The following BRINP2 variants were observed in gnomAD, a reference collection of about 807,000 sequenced individuals.
BRINP2 encodes BMP/retinoic acid-inducible neural-specific protein 2.
A neutral mutation model predicts 69.2 loss-of-function variants in BRINP2; 21 were observed. That is an observed-to-expected ratio of 0.30 (90% CI 0.22 to 0.44). The LOEUF (loss-of-function observed/expected upper bound fraction) is 0.44, where lower values mean the gene tolerates loss of function less well. BRINP2 is among the 20% of genes least tolerant of loss of function. The probability of loss-of-function intolerance (pLI) is 1.00; values close to 1 mark genes in which losing one functional copy is unlikely to be tolerated. For missense variants in BRINP2, 877 were observed against 986.0 expected, an observed-to-expected ratio of 0.89 and a Z score of 1.48; for synonymous variants, 380 against 394.1, an observed-to-expected ratio of 0.96 and a Z score of 0.42.
chr1:177,214,096 A>G (rs1477636425), intron 1 of BRINP2, among the ~76,000 whole-genome samples: 2 of 152,180 alleles, frequency 1.3e-5, no homozygotes, highest in Non-Finnish European at 2.9e-5. Flanking sequence ...GCTTCAGTCT[A>G]AGTCTACAGT....
chr1:177,222,933 G>A (rs1649582969), intron 1 of BRINP2, among the ~76,000 whole-genome samples: 1 of 152,140 alleles, frequency 6.6e-6, no homozygotes, highest in South Asian at 2.1e-4. Context: ...GGATGGAAAT[G>A]GTTTTGAGGA....
rs1651732828 is a variant in BRINP2, at chr1:177,282,340, A to G, written c.*812A>G. ...AAAAAAATAACAAAAACAAAACAAA[A>G]CTATTTATTTTGTGATTGTTTTCCT... On this transcript the variant is annotated 3_prime_UTR_variant, in exon 8 of 8. Coordinates refer to ENST00000361539, the MANE Select transcript of BRINP2 (RefSeq NM_021165.4). The G allele has an allele frequency of 6.6e-6, 1 of 152,130 alleles. No homozygotes were observed. Among genetic ancestry groups the G allele is most frequent in the Non-Finnish European group, 1.5e-5 (1 of 68,040 alleles). The allele number at this position is 152,130 out of a possible 1,614,324, so 9.4% of individuals were successfully genotyped here.
At chr1:177,186,544 C>T (rs1648431113) in intron 1 of BRINP2, among the ~76,000 whole-genome samples, 1 of 152,034 alleles carries the variant, frequency 6.6e-6, no homozygotes, top group African/African-American at 2.4e-5. Flanking sequence ...GGTGAGATCG[C>T]TCCTTGTCTG....
chr1:177,217,631 C>G (rs1047396099), intron 1 of BRINP2, among the ~76,000 whole-genome samples: 1 of 152,080 alleles, frequency 6.6e-6, no homozygotes, highest in African/African-American at 2.4e-5. Flanking sequence ...CTGGCTTTTA[C>G]AAGTTTGTTT....
chr1:177,179,511 A>G lies in BRINP2; in HGVS notation c.-77+7779A>G, dbSNP rs552292504. 1.2e-4 allele frequency among the ~76,000 whole-genome samples: 19 copies of G among 152,222 alleles called. No homozygotes were observed. In the South Asian group the frequency reaches 3.7e-3, roughly 30 times the overall value. ...TTTGTCCCTCCTGTTCTTTTGGGTT[A>G]AGACATATCTCAGAAGGTGTCCAGT... is the stretch of plus-strand genomic sequence containing the variant. On this transcript the variant is annotated intron_variant, in intron 1 of 7. Transcript: ENST00000361539.
In BRINP2 at chr1:177,280,998, G is replaced by A. The variant is rs772887548; in HGVS notation, c.1822G>A (p.Gly608Ser). ...GAGCTGGTTCATGCCTGTGAATGAG[G>A]GCAGCTTTCCTGACTGGGAAAGGAC... ...SESWFMPVNE[G>S]SFPDWERTNV... Residue 608 changes from glycine (G) to serine (S), a missense_variant, in exon 8 of 8, where the codon GGC becomes AGC. Gly to Ser is a moderately conservative substitution (Grantham distance 56). Coordinates refer to ENST00000361539, the MANE Select transcript of BRINP2 (RefSeq NM_021165.4). The A allele has an allele frequency of 2.5e-6, 4 of 1,614,092 alleles. No homozygotes were observed. The highest frequency in any genetic ancestry group is 3.4e-6 in the Non-Finnish European group (4 of 1,180,044).
chr1:177,190,927 C>T lies in BRINP2; in HGVS notation c.-77+19195C>T, dbSNP rs76193546. On this transcript the variant is annotated intron_variant, in intron 1 of 7. Transcript: ENST00000361539. ...TACAATTTAGGGTTTATCACAGTTG[C>T]CTGGTCTATAAATGTGAGTCCTTAT... 9.2e-5 allele frequency among the ~76,000 whole-genome samples: 14 copies of T among 152,248 alleles called. 1 individual carries two copies. In the East Asian group the frequency reaches 2.7e-3, roughly 29 times the overall value.
chr1:177,234,403 A>G (rs1441905368), intron 2 of BRINP2, among the ~76,000 whole-genome samples: 1 of 152,250 alleles, frequency 6.6e-6, no homozygotes, highest in Non-Finnish European at 1.5e-5. Flanking sequence ...TCAGGCACCT[A>G]AATTGAGCTG....
rs1355058454 is a variant in BRINP2 at position 177,178,879 on chromosome 1, T to C, written c.-77+7147T>C. On this transcript the variant is annotated intron_variant, in intron 1 of 7. Transcript: ENST00000361539. Reference sequence around the variant, plus strand: ...TAGACAGAAGGTATGATTATAATCATGATAATCATGGTTATTATGGACATT... The same window carrying C: ...TAGACAGAAGGTATGATTATAATCACGATAATCATGGTTATTATGGACATT... 2.0e-5 allele frequency among the ~76,000 whole-genome samples: 3 copies of C among 152,326 alleles called. No individual in the cohort carries two copies. The East Asian group carries it at 5.8e-4, about 29-fold the overall frequency.
chr1:177,218,154 T>C (rs918711858), intron 1 of BRINP2, among the ~76,000 whole-genome samples: 1 of 152,148 alleles, frequency 6.6e-6, no homozygotes, highest in Non-Finnish European at 1.5e-5. Flanking sequence ...ATCAGCAGTC[T>C]CCTTGGGCAG....
At chr1:177,185,003 A>C (rs1165063394) in intron 1 of BRINP2, among the ~76,000 whole-genome samples, 1 of 152,192 alleles carries the variant, frequency 6.6e-6, no homozygotes, top group Non-Finnish European at 1.5e-5. Flanking sequence ...GAGATTCAGA[A>C]AACTGAATTT....
chr1:177,188,200 T>C (rs544896391), intron 1 of BRINP2, among the ~76,000 whole-genome samples: 4 of 152,342 alleles, frequency 2.6e-5, no homozygotes, highest in African/African-American at 9.6e-5. Context: ...CTCAGCTTCA[T>C]ATTTATTCCA....
chr1:177,243,055 G>GA (rs1396298583), intron 2 of BRINP2, among the ~76,000 whole-genome samples: 1 of 151,278 alleles, frequency 6.6e-6, no homozygotes, highest in Non-Finnish European at 1.5e-5. Flanking sequence ...GGTGATAACT[G>GA]AAAAAAAAGA....
In BRINP2 at chr1:177,214,995, C is replaced by A. The variant is rs540090912; in HGVS notation, c.-76-14806C>A. Reference sequence around the variant, plus strand: ...ATATTTAGCACACTGTGCAATAGATCAAAAAAAATCAAACTTATTTCTTCT... The same window carrying A: ...ATATTTAGCACACTGTGCAATAGATAAAAAAAAATCAAACTTATTTCTTCT... On this transcript the variant is annotated intron_variant, in intron 1 of 7. Coordinates refer to ENST00000361539, the MANE Select transcript of BRINP2 (RefSeq NM_021165.4). 5.8e-4 allele frequency among the ~76,000 whole-genome samples: 88 copies of A among 151,962 alleles called. 1 individual carries two copies. The Middle Eastern group carries it at 0.01, about 18-fold the overall frequency.
At chr1:177,216,085 G>A (rs1649367179) in intron 1 of BRINP2, among the ~76,000 whole-genome samples, 1 of 151,892 alleles carries the variant, frequency 6.6e-6, no homozygotes, top group Non-Finnish European at 1.5e-5. Context: ...TATGTCTTTT[G>A]ATTGGAGAAT....
intron 2 of BRINP2, among the ~76,000 whole-genome samples, chr1:177,254,995 AG>A (rs1351432058): frequency 6.6e-6 from 1 of 152,250 alleles, no homozygotes; most frequent in Non-Finnish European, 1.5e-5. Context: ...CAGGATAAAA[AG>A]ATCCATTCAA....
intron 1 of BRINP2, among the ~76,000 whole-genome samples, chr1:177,223,966 C>T (rs1407182744): frequency 6.6e-6 from 1 of 152,058 alleles, no homozygotes; most frequent in Non-Finnish European, 1.5e-5. Context: ...AGGAGCACAT[C>T]GTCAAGGCAA....
intron 4 of BRINP2, among the ~76,000 whole-genome samples, chr1:177,261,746 G>A (rs1172083487): frequency 6.6e-6 from 1 of 152,192 alleles, no homozygotes; most frequent in African/African-American, 2.4e-5. Flanking sequence ...CAAGGAGTGA[G>A]TGCAACTAGG....
intron 1 of BRINP2, among the ~76,000 whole-genome samples, chr1:177,183,395 T>C (rs569254307): frequency 6.6e-6 from 1 of 152,246 alleles, no homozygotes; most frequent in South Asian, 2.1e-4. Flanking sequence ...TATAGAGTAA[T>C]GATGGATTTT....
Sources: gnomAD v4.1 joint callset for allele counts (sites outside exome capture counted in the v4.1 genomes callset) on GRCh38, gnomAD v4.1.1 for gene constraint, MANE v1.5 for transcripts, NCBI Gene and HGNC (gene_info 2026-07-23, HGNC 2026-07-21) for gene names.